The following CPA6 variants were observed in gnomAD, a reference collection of about 807,000 sequenced individuals.
The protein encoded by CPA6 is carboxypeptidase A6, also known as carboxypeptidase B.
Under a neutral mutation model 63.3 loss-of-function variants are expected in CPA6, and 58 were observed. The observed-to-expected ratio is 0.92, with a 90% CI of 0.74 to 1.14. The LOEUF (loss-of-function observed/expected upper bound fraction) is 1.14, where lower values mean the gene tolerates loss of function less well. Among genes scored for constraint, CPA6 ranks in the 50% most tolerant of loss-of-function variants. The pLI, the probability that CPA6 is intolerant of heterozygous loss-of-function variation, is 0.00. For missense variants in CPA6, 565 were observed against 526.6 expected (o/e 1.07, Z -0.71); for synonymous variants, 185 against 179.0 (o/e 1.03, Z -0.27).
chr8:67,651,699 A>T (rs1482827255), intron 1 of CPA6, among the ~76,000 whole-genome samples: 1 of 152,036 alleles, frequency 6.6e-6, no homozygotes, highest in African/African-American at 2.4e-5. Flanking sequence ...AAGCAGCCAT[A>T]ATTTAGTAGA....
chr8:67,706,621 A>G (rs1298823250), intron 1 of CPA6, among the ~76,000 whole-genome samples: 1 of 152,188 alleles, frequency 6.6e-6, no homozygotes, highest in Non-Finnish European at 1.5e-5. Context: ...CTGTGTGAAT[A>G]TATTAGCTAA....
At chr8:67,620,192 A>G (rs973030293) in intron 2 of CPA6, among the ~76,000 whole-genome samples, 2 of 152,198 alleles carry the variant, frequency 1.3e-5, no homozygotes, top group East Asian at 1.9e-4. Flanking sequence ...GTGAACTGCT[A>G]TCTTGAGACC....
intron 8 of CPA6, among the ~76,000 whole-genome samples, chr8:67,434,670 C>A (rs372357444): frequency 6.6e-6 from 1 of 152,236 alleles, no homozygotes; most frequent in African/African-American, 2.4e-5. Context: ...GGCTCCCTCG[C>A]TTGGCAACAA....
chr8:67,556,176 C>A (rs939971031), intron 2 of CPA6, among the ~76,000 whole-genome samples: 4 of 152,184 alleles, frequency 2.6e-5, no homozygotes, highest in South Asian at 4.1e-4. Context: ...AGTTAAGGTT[C>A]AGGTGATATG....
chr8:67,664,630 GC>G (rs1816188690), intron 1 of CPA6, among the ~76,000 whole-genome samples: 2 of 151,954 alleles, frequency 1.3e-5, no homozygotes, highest in African/African-American at 4.8e-5. Context: ...AACCATTTGG[GC>G]CTAAGACTGC....
intron 2 of CPA6, among the ~76,000 whole-genome samples, chr8:67,554,137 T>C (rs1476099857): frequency 1.3e-5 from 2 of 152,108 alleles, no homozygotes; most frequent in Non-Finnish European, 2.9e-5. Flanking sequence ...TTAGGGAGTG[T>C]AATAGGTCAT....
intron 2 of CPA6, among the ~76,000 whole-genome samples, chr8:67,573,889 CTCA>C (rs1813553205): frequency 2.6e-5 from 1 of 38,630 alleles, no homozygotes; most frequent in East Asian, 7.1e-4. Context: ...AAGACTCCGT[CTCA>C]AAAAAAAAAA....
chr8:67,495,002 T>C (rs1339591273), intron 6 of CPA6, among the ~76,000 whole-genome samples: 1 of 152,218 alleles, frequency 6.6e-6, no homozygotes, highest in Non-Finnish European at 1.5e-5. Flanking sequence ...ATGAGTTGGA[T>C]AACAGCAGAG....
intron 2 of CPA6, among the ~76,000 whole-genome samples, chr8:67,579,335 T>G (rs1587589682): frequency 6.6e-6 from 1 of 152,192 alleles, no homozygotes; most frequent in Admixed American, 6.5e-5. Flanking sequence ...ATCACTTGAA[T>G]CCAGGAGTTG....
At chr8:67,503,467 AATT>A (rs1811868755) in intron 6 of CPA6, among the ~76,000 whole-genome samples, 1 of 139,480 alleles carries the variant, frequency 7.2e-6, no homozygotes, top group African/African-American at 3.0e-5. Flanking sequence ...CAGCTAATTA[AATT>A]TTTTTTTTTT....
chr8:67,518,188 G>T lies in CPA6; in HGVS notation c.193-141C>A. ...TTAGACTTAATGCTTGCATCATCAG[G>T]GTAAAACTATTTGATCTTGAATTTG... On this transcript the variant is annotated intron_variant, in intron 2 of 10. Coordinates refer to ENST00000297770, the MANE Select transcript of CPA6 (RefSeq NM_020361.5). 4.5e-6 allele frequency: 3 copies of T among 661,424 alleles called. No individual in the cohort carries two copies. The East Asian group carries it at 9.4e-5, about 21-fold the overall frequency. The allele number at this position is 661,424 out of a possible 1,614,324, so 41.0% of individuals were successfully genotyped here.
At chr8:67,654,071 C>G (rs947727080) in intron 1 of CPA6, among the ~76,000 whole-genome samples, 20 of 152,120 alleles carry the variant, frequency 1.3e-4, no homozygotes, top group Non-Finnish European at 5.9e-5. Flanking sequence ...TTGAACCAGC[C>G]TTGCATCCCA....
intron 6 of CPA6, among the ~76,000 whole-genome samples, chr8:67,496,519 T>TTTTATATA (rs1483713208): frequency 5.6e-4 from 53 of 94,118 alleles, no homozygotes; most frequent in African/African-American, 2.5e-3. Flanking sequence ...ACTATATAGT[T>TTTTATATA]TATATATATA....
intron 1 of CPA6, among the ~76,000 whole-genome samples, chr8:67,653,749 A>G (rs1815908490): frequency 6.6e-6 from 1 of 152,016 alleles, no homozygotes; most frequent in East Asian, 1.9e-4. Context: ...TCTCCTGCCT[A>G]ATTGCCCTGG....
chr8:67,474,177 GATCCCTAGCTTAAGGAGTTCT>G (rs1178523537), intron 8 of CPA6, among the ~76,000 whole-genome samples: 1 of 152,128 alleles, frequency 6.6e-6, no homozygotes, highest in Non-Finnish European at 1.5e-5. Flanking sequence ...GTCACACCCA[GATCCCTAGCTTAAGGAGTTCT>G]AGAAATGCAG....
At chr8:67,685,972 A>G (rs971120469) in intron 1 of CPA6, among the ~76,000 whole-genome samples, 77 of 152,234 alleles carry the variant, frequency 5.1e-4, no homozygotes, top group African/African-American at 1.9e-3. Context: ...TTCAATTTCT[A>G]TCTCCTTACC....
intron 1 of CPA6, among the ~76,000 whole-genome samples, chr8:67,709,990 G>A (rs1419086314): frequency 2.0e-5 from 3 of 152,036 alleles, no homozygotes; most frequent in African/African-American, 7.3e-5. Context: ...GTGCGTGCCT[G>A]TAATCCCAGC....
intron 1 of CPA6, among the ~76,000 whole-genome samples, chr8:67,654,635 C>A (rs568163951): frequency 4.0e-5 from 6 of 151,818 alleles, no homozygotes; most frequent in Non-Finnish European, 8.8e-5. Flanking sequence ...CTTCTCTCTG[C>A]CATTTCCTTT....
rs367766516 is a variant in CPA6, at chr8:67,716,132, C to T, written c.116+29882G>A. 6.4e-4 allele frequency among the ~76,000 whole-genome samples: 77 copies of T among 120,084 alleles called. 1 individual carries two copies. Among genetic ancestry groups the T allele is most frequent in the Middle Eastern group, 4.7e-3 (1 of 214 alleles). The allele number at this position is 120,084 out of a possible 152,430, so 78.8% of individuals were successfully genotyped here. A position where few individuals can be genotyped will look rare whatever the true frequency, so the allele number is the denominator to read the frequency against. On this transcript the variant is annotated intron_variant, in intron 1 of 10. Coordinates refer to ENST00000297770, the MANE Select transcript of CPA6 (RefSeq NM_020361.5). ...TCACGCCATTGTACTCCAGCCTGGG[C>T]GAGAGAGTGAGCTTGTCTCAAAAAA...
Sources: allele counts gnomAD v4.1 joint callset (sites outside exome capture counted in the v4.1 genomes callset), GRCh38; gene constraint gnomAD v4.1.1; transcripts MANE v1.5; gene names NCBI Gene and HGNC (gene_info 2026-07-23, HGNC 2026-07-21).